PTPN4: variants seen among roughly 807,000 people sequenced by gnomAD.
PTPN4 encodes the protein tyrosine-protein phosphatase non-receptor type 4.
Under a neutral mutation model 135.5 loss-of-function variants are expected in PTPN4, and 49 were observed. That is an observed-to-expected ratio of 0.36 (90% confidence interval 0.29 to 0.46). PTPN4 has a LOEUF of 0.46. PTPN4 is among the 20% of genes least tolerant of loss of function. The pLI, the probability that PTPN4 is intolerant of heterozygous loss-of-function variation, is 1.00. For synonymous variants in PTPN4, 333 were observed against 369.9 expected, an observed-to-expected ratio of 0.90 and a Z score of 1.14; for missense variants, 860 against 1,101.0, an observed-to-expected ratio of 0.78 and a Z score of 3.10.
At chr2:119,800,023 A>T (rs1261119582) in intron 1 of PTPN4, among the ~76,000 whole-genome samples, 2 of 152,226 alleles carry the variant, frequency 1.3e-5, no homozygotes, top group Non-Finnish European at 2.9e-5. Context: ...GAGTCGATAC[A>T]TTCTTTTTGG....
At chr2:119,817,481 T>C (rs1346939814) in intron 2 of PTPN4, among the ~76,000 whole-genome samples, 1 of 152,128 alleles carries the variant, frequency 6.6e-6, no homozygotes, top group African/African-American at 2.4e-5. Context: ...TGTAGGTGTG[T>C]AGCATTATTT....
intron 26 of PTPN4, among the ~76,000 whole-genome samples, chr2:119,970,605 G>T (rs1047422166): frequency 2.0e-5 from 3 of 152,032 alleles, no homozygotes; most frequent in South Asian, 2.1e-4. Context: ...CATATTTAAA[G>T]GTTTATCTGT....
chr2:119,772,505 G>C (rs564619649), intron 1 of PTPN4, among the ~76,000 whole-genome samples: 5 of 152,236 alleles, frequency 3.3e-5, no homozygotes, highest in African/African-American at 1.2e-4. Context: ...TCCACTTACA[G>C]TGTACATTCT....
chr2:119,955,605 G>T (rs1679268292), intron 20 of PTPN4, among the ~76,000 whole-genome samples: 1 of 151,930 alleles, frequency 6.6e-6, no homozygotes, highest in African/African-American at 2.4e-5. Context: ...CTGTTTTTTT[G>T]AAAGGTGGCA....
chr2:119,776,633 C>T (rs1690843770), intron 1 of PTPN4, among the ~76,000 whole-genome samples: 1 of 152,160 alleles, frequency 6.6e-6, no homozygotes, highest in South Asian at 2.1e-4. Flanking sequence ...ACCAATCTTT[C>T]CTCTTCCTCC....
chr2:119,834,095 A>G (rs1048250960), intron 2 of PTPN4, among the ~76,000 whole-genome samples: 1 of 152,228 alleles, frequency 6.6e-6, no homozygotes, highest in Non-Finnish European at 1.5e-5. Context: ...TGCATGTTAC[A>G]TGCATAGAAT....
At chr2:119,905,059 A>G (rs945018610) in intron 10 of PTPN4, among the ~76,000 whole-genome samples, 8 of 151,922 alleles carry the variant, frequency 5.3e-5, no homozygotes, top group African/African-American at 1.7e-4. Context: ...ACAAATAATC[A>G]AGGGAAACAA....
intron 1 of PTPN4, among the ~76,000 whole-genome samples, chr2:119,770,123 A>G (rs1360248357): frequency 6.6e-6 from 1 of 152,218 alleles, no homozygotes; most frequent in East Asian, 1.9e-4. Context: ...CCAGCTAGGT[A>G]CTAGGCACTG....
chr2:119,965,433 A>C (rs1359089335), intron 24 of PTPN4, 64 bp from the exon 25 acceptor site: 5 of 1,430,120 alleles, frequency 3.5e-6, no homozygotes, highest in Middle Eastern at 1.8e-4. Context: ...GAATTTTATG[A>C]GGTTTGTAGG....
intron 2 of PTPN4, among the ~76,000 whole-genome samples, chr2:119,847,151 T>TATATAC (rs902871741): frequency 1.1e-4 from 16 of 148,538 alleles, no homozygotes; most frequent in Non-Finnish European, 1.9e-4. Flanking sequence ...CCACTATAAT[T>TATATAC]ATATACATAT....
At position 119,968,648 on chromosome 2, in the gene PTPN4, C is replaced by T. The variant is rs571708361; in HGVS notation, c.2694+676C>T. Among the ~76,000 whole-genome samples, 242 of 152,078 alleles carry T rather than the reference C, an allele frequency of 1.6e-3. 1 individual carries two copies. Among genetic ancestry groups the T allele is most frequent in the Non-Finnish European group, 2.6e-3 (177 of 67,980 alleles). On this transcript the variant is annotated intron_variant, in intron 26 of 26. Coordinates refer to ENST00000263708, the MANE Select transcript of PTPN4 (RefSeq NM_002830.4). The stretch of plus-strand genomic sequence containing the variant: ...CTACTAAAAATGCAAAAAAAATAGC[C>T]GGGCATGGTGGTGGGCACCTGTAGT...
In PTPN4 at chr2:119,895,588, G is replaced by A. The variant is rs563035429; in HGVS notation, c.676-5130G>A. ...CTGGGAGCGGAGGTTGCAGTGAGTC[G>A]AGATCGCGCCACTGGACAAGAGCGA... On this transcript the variant is annotated intron_variant, in intron 9 of 26. Transcript: ENST00000263708. Among the ~76,000 whole-genome samples, 6 of 152,066 alleles carry A rather than the reference G, an allele frequency of 3.9e-5. No homozygotes were observed. In the East Asian group the frequency reaches 5.8e-4, roughly 15 times the overall value.
rs139109043 is a variant in PTPN4 at position 119,960,869 on chromosome 2, C to T, written c.2196C>T (p.His732=). ...TTGCTTGTCAAGGGCCATTACCACACACTTGTACAGATTTTTGGCAGATGA... is the reference window on the plus strand; with the variant it reads ...TTGCTTGTCAAGGGCCATTACCACATACTTGTACAGATTTTTGGCAGATGA... ...QYIACQGPLP[H]TCTDFWQMTW... The change falls in exon 23 of 27, where the codon CAC becomes CAT. Residue 732 remains histidine (H), a synonymous_variant. Coordinates refer to ENST00000263708, the MANE Select transcript of PTPN4 (RefSeq NM_002830.4). 3.1e-6 allele frequency: 5 copies of T among 1,613,884 alleles called. No individual in the cohort carries two copies. The highest frequency in any genetic ancestry group is 4.2e-6 in the Non-Finnish European group (5 of 1,179,912).
intron 2 of PTPN4, among the ~76,000 whole-genome samples, chr2:119,839,610 A>G (rs1677349163): frequency 6.6e-6 from 1 of 152,222 alleles, no homozygotes; most frequent in Admixed American, 6.5e-5. Flanking sequence ...CAAGCAGGCA[A>G]CCAAACACTG....
chr2:119,901,455 C>T (rs745966793), intron 10 of PTPN4, among the ~76,000 whole-genome samples: 1 of 152,208 alleles, frequency 6.6e-6, no homozygotes, highest in Non-Finnish European at 1.5e-5. Flanking sequence ...ACCTCTGACA[C>T]CTACGGTTTG....
intron 2 of PTPN4, among the ~76,000 whole-genome samples, chr2:119,829,438 A>G (rs1406270429): frequency 1.3e-5 from 2 of 152,138 alleles, no homozygotes; most frequent in East Asian, 3.9e-4. Flanking sequence ...CCAACTTTTT[A>G]TTTTGCCAAA....
At position 119,882,610 on chromosome 2, in the gene PTPN4, C is replaced by A; in HGVS notation, c.574C>A (p.His192Asn). 6.5e-7 allele frequency: 1 copy of A among 1,538,722 alleles called. No individual in the cohort carries two copies. The highest frequency in any genetic ancestry group is 8.9e-7 in the Non-Finnish European group (1 of 1,128,602). Reference protein sequence around the residue: ...QDFEKEIAKLHQQHIGLSPAE... With the variant: ...QDFEKEIAKLNQQHIGLSPAE... ...TTTTGAAAAAGAAATTGCAAAATTA[C>A]ATCAGCAACACATGTAAGAGTTTTT... The change falls in exon 8 of 27, where the codon CAT (histidine) becomes AAT (asparagine). Residue 192 changes from histidine (H) to asparagine (N), a missense_variant. Physicochemically the swap from His to Asn is moderately conservative, Grantham distance 68. Transcript: ENST00000263708.
At chr2:119,851,583 T>A (rs1677592035) in intron 2 of PTPN4, among the ~76,000 whole-genome samples, 1 of 152,184 alleles carries the variant, frequency 6.6e-6, no homozygotes, top group African/African-American at 2.4e-5. Context: ...TTAGGAAGTT[T>A]TATACATGCC....
At chr2:119,962,259 A>C (rs1274487715) in intron 23 of PTPN4, among the ~76,000 whole-genome samples, 4 of 152,218 alleles carry the variant, frequency 2.6e-5, no homozygotes, top group Non-Finnish European at 5.9e-5. Flanking sequence ...GTTCGAGACC[A>C]GCCTGACCAA....
Sources: gnomAD v4.1 joint callset for allele counts (sites outside exome capture counted in the v4.1 genomes callset) on GRCh38, gnomAD v4.1.1 for gene constraint, MANE v1.5 for transcripts, NCBI Gene and HGNC (gene_info 2026-07-23, HGNC 2026-07-21) for gene names.